PARP14: variants seen among roughly 807,000 people sequenced by gnomAD.
PARP14 encodes the protein poly(ADP-ribose) polymerase family member 14.
In PARP14, 59 loss-of-function variants were observed where a neutral mutation model predicts 154.2. The ratio of observed to expected loss-of-function variants is 0.38; its 90% confidence interval spans 0.31 to 0.48. PARP14 has a LOEUF of 0.48. PARP14 is among the 20% of genes least tolerant of loss of function. The pLI is 0.98. For missense variants in PARP14, 1,734 were observed against 2,131.6 expected (o/e 0.81, Z 3.67); for synonymous variants, 720 against 780.5 (o/e 0.92, Z 1.29).
chr3:122,710,298 C>T (rs527578961), intron 9 of PARP14, among the ~76,000 whole-genome samples: 10 of 152,196 alleles, frequency 6.6e-5, no homozygotes, highest in Admixed American at 3.3e-4. Context: ...TTCCCAGCAC[C>T]GTTTATTGAA....
In PARP14 at chr3:122,699,886, C is replaced by T; in HGVS notation, c.1332C>T (p.Ser444=). 6.2e-7 allele frequency: 1 copy of T among 1,613,878 alleles called. No individual in the cohort carries two copies. The highest frequency in any genetic ancestry group is 8.5e-7 in the Non-Finnish European group (1 of 1,179,820). Residue 444 remains serine, a synonymous_variant, in exon 6 of 17, where the codon AGC becomes AGT. Coordinates refer to ENST00000474629, the MANE Select transcript of PARP14 (RefSeq NM_017554.3). ...ILAGKSEDVQ[S]IEVQVRELIE... ...CAGGGAAATCAGAGGATGTCCAAAGCATTGAGGTACAAGTCAGGGAGTTAA... is the reference window on the plus strand; with the variant it reads ...CAGGGAAATCAGAGGATGTCCAAAGTATTGAGGTACAAGTCAGGGAGTTAA...
At position 122,718,088 on chromosome 3, in the gene PARP14, C is replaced by G. The variant is rs1248629728; in HGVS notation, c.4018C>G (p.Pro1340Ala). The G allele has an allele frequency of 6.2e-7, 1 of 1,613,554 alleles. No individual in the cohort carries two copies. Among genetic ancestry groups the G allele is most frequent in the Admixed American group, 1.7e-5 (1 of 59,972 alleles). The change falls in exon 13 of 17, where the codon CCA becomes GCA. Residue 1340 changes from proline (P) to alanine (A), a missense_variant. By Grantham distance (27) the Pro-to-Ala change is conservative. Coordinates refer to ENST00000474629, the MANE Select transcript of PARP14 (RefSeq NM_017554.3). The stretch of plus-strand genomic sequence containing the variant: ...TTTTCCAGGAAATGCCAAACAACAC[C>G]CAGATAAGGTTGCTGAAGCCATAAT... ...AIGTGNAKQH[P>A]DKVAEAIIDA... is the part of the protein sequence containing the mutation.
At chr3:122,725,469 G>A (rs1019769122) in intron 15 of PARP14, among the ~76,000 whole-genome samples, 10 of 152,148 alleles carry the variant, frequency 6.6e-5, no homozygotes, top group Non-Finnish European at 1.5e-4. Context: ...ATGTCATTTT[G>A]TGTACAAAAT....
intron 5 of PARP14, 25 bp downstream of exon 5, chr3:122,695,687 C>T (rs753711169): frequency 9.3e-7 from 1 of 1,074,532 alleles, no homozygotes. Context: ...CCTGTCATAC[C>T]TGGCATAATC....
intron 5 of PARP14, among the ~76,000 whole-genome samples, chr3:122,697,247 C>A (rs1938808690): frequency 6.6e-6 from 1 of 152,226 alleles, no homozygotes; most frequent in South Asian, 2.1e-4. Flanking sequence ...AGTCACTGCA[C>A]CCAGCTTAGC....
At chr3:122,719,332 G>A (rs1395619325) in intron 14 of PARP14, among the ~76,000 whole-genome samples, 1 of 152,178 alleles carries the variant, frequency 6.6e-6, no homozygotes, top group African/African-American at 2.4e-5. Context: ...GAACAAAAAA[G>A]GCCAAGGGAA....
chr3:122,713,340 C>T, intron 9 of PARP14, 84 bp from the exon 10 acceptor site: 1 of 1,141,234 alleles, frequency 8.8e-7, no homozygotes, highest in Non-Finnish European at 1.2e-6. Context: ...GGAAGACATC[C>T]AAGAGGGTCC....
Position 122,681,578 on chromosome 3 carries a change from C to T in PARP14, c.187+508C>T, listed in dbSNP as rs558950556. 6.6e-6 allele frequency among the ~76,000 whole-genome samples: 1 copy of T among 152,216 alleles called. No homozygotes were observed. The highest frequency in any genetic ancestry group is 2.1e-4 in the South Asian group (1 of 4,814). ...AGAGGCGCTACCTAAAATCACACTG[C>T]CTGAATGTCAACGTAGAGCCGTCAC... On this transcript the variant is annotated intron_variant, in intron 1 of 16. Coordinates refer to ENST00000474629, the MANE Select transcript of PARP14 (RefSeq NM_017554.3). This position sits in a 1 kb window ranked among gnomAD's most constrained non-coding sequence, Gnocchi z 5.5.
chr3:122,706,170 C>T (rs940597404), intron 8 of PARP14, among the ~76,000 whole-genome samples: 1 of 152,182 alleles, frequency 6.6e-6, no homozygotes, highest in African/African-American at 2.4e-5. Context: ...ATTTTCTTTC[C>T]TGAAGACTGA....
At chr3:122,718,042 T>A (rs1233003987) in intron 12 of PARP14, 29 bp from the exon 13 acceptor site, 1 of 1,593,954 alleles carries the variant, frequency 6.3e-7, no homozygotes, top group African/African-American at 1.3e-5. Flanking sequence ...TTTTTTGTCC[T>A]TCAGCAATTT....
chr3:122,696,590 G>A (rs1938785864), intron 5 of PARP14, among the ~76,000 whole-genome samples: 1 of 152,170 alleles, frequency 6.6e-6, no homozygotes, highest in African/African-American at 2.4e-5. Context: ...CAGGGAGAGA[G>A]AGGGGTACAT....
intron 3 of PARP14, among the ~76,000 whole-genome samples, chr3:122,691,161 C>T (rs1260303075): frequency 3.9e-5 from 6 of 152,148 alleles, no homozygotes; most frequent in East Asian, 1.9e-4. Context: ...GTGGCCACTG[C>T]GAACATTTAC....
chr3:122,701,267 C>G lies in PARP14; in HGVS notation c.2713C>G (p.Leu905Val), dbSNP rs1270155704. ...YLLRRAVQLS[L>V]CLAEKYKYRS... ...ATTAAGGAGAGCTGTGCAACTCAGTCTCTGTCTAGCCGAAAAATACAAGTA... is the reference window on the plus strand; with the variant it reads ...ATTAAGGAGAGCTGTGCAACTCAGTGTCTGTCTAGCCGAAAAATACAAGTA... The change falls in exon 6 of 17, where the codon CTC becomes GTC. Residue 905 changes from leucine to valine, a missense_variant. Leu to Val is a conservative substitution (Grantham distance 32). Coordinates refer to ENST00000474629, the MANE Select transcript of PARP14 (RefSeq NM_017554.3). This position sits in a 1 kb window ranked among gnomAD's most constrained non-coding sequence, Gnocchi z 4.0. 3.1e-6 allele frequency: 5 copies of G among 1,613,828 alleles called. No homozygotes were observed. Among genetic ancestry groups the G allele is most frequent in the Non-Finnish European group, 4.2e-6 (5 of 1,179,864 alleles).
Position 122,699,984 on chromosome 3 carries a change from G to A in PARP14, c.1430G>A (p.Arg477Lys), listed in dbSNP as rs2107643402. 1.2e-6 allele frequency: 2 copies of A among 1,613,894 alleles called. No homozygotes were observed. Among genetic ancestry groups the A allele is most frequent in the East Asian group, 2.2e-5 (1 of 44,866 alleles). ...LKEKMIISPGRYFLLCHSSLL... is the reference protein window; with the variant it reads ...LKEKMIISPGKYFLLCHSSLL... ...GAAAAAATGATCATTTCTCCAGGCA[G>A]GTATTTTCTTTTGTGTCACAGCAGT... The change falls in exon 6 of 17, where the codon AGG (arginine) becomes AAG (lysine). Residue 477 changes from arginine (R) to lysine (K), a missense_variant. By Grantham distance (26) the Arg-to-Lys change is conservative. This residue lies in a region of PARP14 where 1,646 missense variants were observed against 1,976.0 expected (regional missense o/e 0.83). Transcript: ENST00000474629.
At chr3:122,710,017 T>G (rs1939273515) in intron 9 of PARP14, among the ~76,000 whole-genome samples, 1 of 152,146 alleles carries the variant, frequency 6.6e-6, no homozygotes, top group Non-Finnish European at 1.5e-5. Context: ...GTGGATTGTC[T>G]GCTTACTCTC....
rs1233503698 is a variant in PARP14, at chr3:122,685,159, T to C, written c.188-26T>C. The C allele has an allele frequency of 4.2e-5, 68 of 1,602,314 alleles. 1 individual carries two copies. The East Asian group carries it at 1.5e-3, about 35-fold the overall frequency. Reference sequence around the variant, plus strand: ...AAATAAAGATTGCTTGTCATTTGTCTTTTTTCCCCCCTTTGGACATTTCAG... The same window carrying C: ...AAATAAAGATTGCTTGTCATTTGTCCTTTTTCCCCCCTTTGGACATTTCAG... On this transcript the variant is annotated intron_variant, in intron 1 of 16. Transcript: ENST00000474629.
At position 122,718,789 on chromosome 3, in the gene PARP14, T is replaced by C; in HGVS notation, c.4638T>C (p.His1546=). The C allele has an allele frequency of 1.1e-5, 17 of 1,613,876 alleles. No homozygotes were observed. The highest frequency in any genetic ancestry group is 1.4e-5 in the Non-Finnish European group (17 of 1,179,804). Residue 1546 remains histidine, a synonymous_variant, in exon 14 of 17, where the codon CAT becomes CAC. Transcript: ENST00000474629. ...AGTATAATGACAATAACACTTCTCA[T>C]TGTTTTAACAAAATGACCAATCTGA... ...EWQYNDNNTS[H]CFNKMTNLKL...
Position 122,718,763 on chromosome 3 carries a change from C to A in PARP14, c.4612C>A (p.Gln1538Lys). The A allele has an allele frequency of 1.2e-6, 2 of 1,613,148 alleles. No individual in the cohort carries two copies. The highest frequency in any genetic ancestry group is 1.7e-6 in the Non-Finnish European group (2 of 1,179,464). The stretch of plus-strand genomic sequence containing the variant: ...TTGTATCAGTGAGTTTATAGAATGG[C>A]AGTATAATGACAATAACACTTCTCA... Reference protein sequence around the residue: ...ADCISEFIEWQYNDNNTSHCF... With the variant: ...ADCISEFIEWKYNDNNTSHCF... Residue 1538 changes from glutamine (Q) to lysine (K), a missense_variant, in exon 14 of 17, where the codon CAG becomes AAG. Gln to Lys is a moderately conservative substitution (Grantham distance 53). Around this residue, in one of 2 missense-constraint regions of PARP14, gnomAD observed 1,646 missense variants for 1,976.0 expected, o/e 0.83. Coordinates refer to ENST00000474629, the MANE Select transcript of PARP14 (RefSeq NM_017554.3).
Position 122,699,778 on chromosome 3 carries a change from A to C in PARP14, c.1224A>C (p.Thr408=). 6.2e-7 allele frequency: 1 copy of C among 1,614,016 alleles called. No homozygotes were observed. Among genetic ancestry groups the C allele is most frequent in the Non-Finnish European group, 8.5e-7 (1 of 1,179,878 alleles). ...YKVNPIKVDP[T]MWDTIKNDVK... ...TCAACCCAATTAAAGTGGATCCAAC[A>C]ATGTGGGACACCATAAAAAATGATG... Residue 408 remains threonine (T), a synonymous_variant, in exon 6 of 17, where the codon ACA becomes ACC. Coordinates refer to ENST00000474629, the MANE Select transcript of PARP14 (RefSeq NM_017554.3).
Sources: gnomAD v4.1 joint callset for allele counts (sites outside exome capture counted in the v4.1 genomes callset) on GRCh38, gnomAD v4.1.1 for gene constraint, gnomAD v4.1.1 regional missense constraint, Gnocchi (gnomAD v3.1) non-coding constraint, MANE v1.5 for transcripts, NCBI Gene and HGNC (gene_info 2026-07-23, HGNC 2026-07-21) for gene names.